MBTPS1: variants seen among roughly 807,000 people sequenced by gnomAD.
The protein encoded by MBTPS1 is membrane bound transcription factor peptidase, site 1.
In MBTPS1, 94 loss-of-function variants were observed where a neutral mutation model predicts 127.8. The observed-to-expected ratio is 0.74, with a 90% CI of 0.62 to 0.87. The LOEUF is 0.87. Among genes scored for constraint, MBTPS1 ranks in the 40% least tolerant of loss-of-function variants. The pLI is 0.00. For synonymous variants in MBTPS1, 632 were observed against 509.4 expected (o/e 1.24, Z -3.24); for missense variants, 1,636 against 1,353.2 (o/e 1.21, Z -3.28).
At chr16:84,099,759 G>C (rs1433943583) in intron 2 of MBTPS1, among the ~76,000 whole-genome samples, 1 of 145,774 alleles carries the variant, frequency 6.9e-6, no homozygotes, top group Non-Finnish European at 1.5e-5. Flanking sequence ...CCTGGTGACA[G>C]AGCAAGCCTC....
In MBTPS1 at chr16:84,056,037, G is replaced by A; in HGVS notation, c.2930C>T (p.Pro977Leu). 1 of 1,613,922 alleles carries A rather than the reference G, an allele frequency of 6.2e-7. No homozygotes were observed. Among genetic ancestry groups the A allele is most frequent in the Non-Finnish European group, 8.5e-7 (1 of 1,179,978 alleles). The change falls in exon 22 of 23, where the codon CCT becomes CTT. Residue 977 changes from proline (P) to leucine (L), a missense_variant. Pro to Leu is a moderately conservative substitution (Grantham distance 98, BLOSUM62 -3). Coordinates refer to ENST00000343411, the MANE Select transcript of MBTPS1 (RefSeq NM_003791.4). The stretch of plus-strand genomic sequence containing the variant: ...AATGTCCCAGGCGCCGCTCTCTCCA[G>A]GGGACAAGGGCCTCACTTGAGGGCG... ...SNRPQVRPLS[P>L]GESGAWDIPG... is the part of the protein sequence containing the mutation.
chr16:84,071,242 A>C (rs2085766052), intron 12 of MBTPS1, among the ~76,000 whole-genome samples: 1 of 152,222 alleles, frequency 6.6e-6, no homozygotes, highest in Admixed American at 6.5e-5. Context: ...GGCCGGAGGG[A>C]GGACTGGCTC....
At chr16:84,113,742 C>A (rs1215927839) in intron 1 of MBTPS1, among the ~76,000 whole-genome samples, 2 of 152,150 alleles carry the variant, frequency 1.3e-5, no homozygotes. Context: ...TGCAGCTATG[C>A]CTTGCTTTGT....
At chr16:84,111,118 G>C (rs1309586154) in intron 1 of MBTPS1, among the ~76,000 whole-genome samples, 4 of 152,214 alleles carry the variant, frequency 2.6e-5, no homozygotes, top group Non-Finnish European at 5.9e-5. Context: ...AAGGGACTTT[G>C]CAGCTGTGAC....
intron 11 of MBTPS1, among the ~76,000 whole-genome samples, chr16:84,078,948 C>T (rs2085899374): frequency 6.6e-6 from 1 of 152,218 alleles, no homozygotes; most frequent in Non-Finnish European, 1.5e-5. Context: ...TGGATGCTCG[C>T]CCCCTCCCAA....
chr16:84,059,782 T>C (rs11149621), intron 20 of MBTPS1: 15,469 of 161,876 alleles, frequency 0.096, 1,189 homozygotes, highest in East Asian at 0.29. Flanking sequence ...AAAATACTTC[T>C]CTTCTAAAAT....
At chr16:84,101,168 C>T (rs1205501891) in intron 2 of MBTPS1, among the ~76,000 whole-genome samples, 3 of 151,778 alleles carry the variant, frequency 2.0e-5, no homozygotes, top group African/African-American at 4.8e-5. Flanking sequence ...GGAGTTGTGG[C>T]GGGTGCCTGT....
rs1183619198 is a variant in MBTPS1 at position 84,091,989 on chromosome 16, G to C, written c.847-141C>G. The C allele has an allele frequency of 2.1e-5, 13 of 606,506 alleles. No individual in the cohort carries two copies. In the South Asian group the frequency reaches 2.3e-4, roughly 11 times the overall value. 37.6% of individuals were successfully genotyped at this position (606,506 alleles called of 1,614,324 possible). ...ACTTAAAACCAGAAATGAATCCTGA[G>C]CATGCATAATGCTCTGGAGAGTAAA... On this transcript the variant is annotated intron_variant, in intron 6 of 22. Transcript: ENST00000343411.
chr16:84,077,707 C>T (rs980403251), intron 11 of MBTPS1, among the ~76,000 whole-genome samples: 1 of 152,156 alleles, frequency 6.6e-6, no homozygotes, highest in African/African-American at 2.4e-5. Context: ...TTTCTAAGGA[C>T]TCAAAATACA....
At chr16:84,092,390 T>A (rs2086122076) in intron 6 of MBTPS1, among the ~76,000 whole-genome samples, 1 of 152,218 alleles carries the variant, frequency 6.6e-6, no homozygotes, top group South Asian at 2.1e-4. Context: ...TTTTAAAAAA[T>A]ATAAAATTAA....
At chr16:84,108,426 G>A (rs1264456027) in intron 1 of MBTPS1, among the ~76,000 whole-genome samples, 1 of 152,170 alleles carries the variant, frequency 6.6e-6, no homozygotes, top group African/African-American at 2.4e-5. Flanking sequence ...ACCACACCCA[G>A]CTAATTTTTG....
chr16:84,061,093 T>C (rs988938946), intron 19 of MBTPS1: 35 of 230,088 alleles, frequency 1.5e-4, no homozygotes, highest in African/African-American at 5.2e-4. Flanking sequence ...GCTGGGATTA[T>C]AGGTGTGAGC....
intron 2 of MBTPS1, among the ~76,000 whole-genome samples, chr16:84,100,258 G>C (rs2086234884): frequency 6.6e-6 from 1 of 152,026 alleles, no homozygotes; most frequent in Non-Finnish European, 1.5e-5. Flanking sequence ...AAAATTAGCT[G>C]GGCAGGCCGG....
chr16:84,064,347 A>C (rs998778710), intron 18 of MBTPS1, among the ~76,000 whole-genome samples: 10 of 152,178 alleles, frequency 6.6e-5, no homozygotes, highest in Non-Finnish European at 1.3e-4. Context: ...AAACTGGAAC[A>C]CATTCACCGC....
intron 18 of MBTPS1, among the ~76,000 whole-genome samples, chr16:84,064,820 A>G (rs1183350525): frequency 6.6e-6 from 1 of 152,258 alleles, no homozygotes; most frequent in Non-Finnish European, 1.5e-5. Context: ...ATAAAAGGAA[A>G]AAATCCCTTC....
At chr16:84,085,741 T>A (rs2086013152) in intron 9 of MBTPS1, among the ~76,000 whole-genome samples, 1 of 152,080 alleles carries the variant, frequency 6.6e-6, no homozygotes, top group South Asian at 2.1e-4. Flanking sequence ...TTTGCTGACA[T>A]GCCAGACTGG....
rs918633430 is a variant in MBTPS1, at chr16:84,061,138, G to C, written c.2573-325C>G. ...TGGCCCGGAATTTAGCTTTTAAGAA[G>C]AAATCTCTAAAGGAATTTTTTTTAA... is the stretch of plus-strand genomic sequence containing the variant. On this transcript the variant is annotated intron_variant, in intron 19 of 22. Transcript: ENST00000343411. 22 of 156,580 alleles carry C rather than the reference G, an allele frequency of 1.4e-4. 1 individual carries two copies. The highest frequency in any genetic ancestry group is 7.6e-4 in the Admixed American group (11 of 14,460). The allele number at this position is 156,580 out of a possible 1,614,324, so 9.7% of individuals were successfully genotyped here.
At position 84,085,112 on chromosome 16, in the gene MBTPS1, C is replaced by T. The variant is rs1171567846; in HGVS notation, c.1157G>A (p.Arg386His). 2 of 1,614,060 alleles carry T rather than the reference C, an allele frequency of 1.2e-6. No individual in the cohort carries two copies. Among genetic ancestry groups the T allele is most frequent in the Non-Finnish European group, 1.7e-6 (2 of 1,180,028 alleles). The change falls in exon 10 of 23, where the codon CGC (arginine) becomes CAC (histidine). Residue 386 changes from arginine (R) to histidine (H), a missense_variant. By Grantham distance (29) the Arg-to-His change is conservative (BLOSUM62 0). Coordinates refer to ENST00000343411, the MANE Select transcript of MBTPS1 (RefSeq NM_003791.4). ...ATAGGTGACAATGTCAGGTTTCATG[C>T]GACCGTAGCCTCCTGGTAGCTCCTA... Reference protein sequence around the residue: ...TTWELPGGYGRMKPDIVTYGA... With the variant: ...TTWELPGGYGHMKPDIVTYGA...
At chr16:84,069,187 A>T (rs2085733154) in intron 14 of MBTPS1, among the ~76,000 whole-genome samples, 1 of 152,214 alleles carries the variant, frequency 6.6e-6, no homozygotes. Flanking sequence ...TACTTTCAGC[A>T]TGGAGTTCAA....
Sources: gnomAD v4.1 joint callset for allele counts (sites outside exome capture counted in the v4.1 genomes callset) on GRCh38, gnomAD v4.1.1 for gene constraint, MANE v1.5 for transcripts, NCBI Gene and HGNC (gene_info 2026-07-23, HGNC 2026-07-21) for gene names.